Variants in PRMT9 observed in about 807,000 individuals in gnomAD.
PRMT9 encodes protein arginine N-methyltransferase 9.
In PRMT9, 59 loss-of-function variants were observed where a neutral mutation model predicts 83.2. The ratio of observed to expected loss-of-function variants is 0.71; its 90% CI spans 0.57 to 0.88. PRMT9 has a LOEUF of 0.88. Ranked by LOEUF, PRMT9 falls within the 40% of genes least tolerant of loss-of-function variation. The pLI, the probability that PRMT9 is intolerant of heterozygous loss-of-function variation, is 0.00. For synonymous variants in PRMT9, 333 were observed against 353.2 expected (o/e 0.94, Z 0.64); for missense variants, 947 against 1,021.9 (o/e 0.93, Z 1.00).
intron 9 of PRMT9, among the ~76,000 whole-genome samples, chr4:147,648,645 C>CA (rs1560971530): frequency 6.6e-6 from 1 of 152,186 alleles, no homozygotes; most frequent in African/African-American, 2.4e-5. Context: ...GTAAGAAGTA[C>CA]AAGTGACATA....
In PRMT9 at chr4:147,654,070, A is replaced by C; in HGVS notation, c.1827T>G (p.Ser609=). ...GTLGQVKPYS[S]VEKDQHRIAL... ...CAATACGATGCTGGTCTTTCTCCAC[A>C]GAACTGTATGGTTTAACCTGCCCAA... Residue 609 remains serine, a synonymous_variant, in exon 9 of 12, where the codon TCT becomes TCG. Transcript: ENST00000322396. 1.2e-6 allele frequency: 2 copies of C among 1,614,226 alleles called. No homozygotes were observed. The highest frequency in any genetic ancestry group is 2.2e-5 in the South Asian group (2 of 91,088).
chr4:147,639,109 T>G (rs1157067319), intron 10 of PRMT9, 27 bp from the exon 11 acceptor site: 1 of 1,612,106 alleles, frequency 6.2e-7, no homozygotes, highest in Admixed American at 1.7e-5. Flanking sequence ...TTTTTCACTT[T>G]CACTTTTTCT....
chr4:147,672,939 A>G lies in PRMT9; in HGVS notation c.743+20T>C. The G allele has an allele frequency of 6.2e-7, 1 of 1,603,730 alleles. No homozygotes were observed. The highest frequency in any genetic ancestry group is 8.5e-7 in the Non-Finnish European group (1 of 1,170,780). On this transcript the variant is annotated intron_variant, in intron 4 of 11. Coordinates refer to ENST00000322396, the MANE Select transcript of PRMT9 (RefSeq NM_138364.4). ...AAAATAGAGAAGTATAAACACTAAA[A>G]TTAGTTTACATGATAATACCTTTCG...
In PRMT9 at chr4:147,639,086, G is replaced by T. The variant is rs759111616; in HGVS notation, c.2200-4C>A. On this transcript the variant is annotated splice_region_variant and splice_polypyrimidine_tract_variant and intron_variant, in intron 10 of 11. Coordinates refer to ENST00000322396, the MANE Select transcript of PRMT9 (RefSeq NM_138364.4). ...CCAAAAATACACGTATAGGTACCTAGAGAAAGTATAAATTTTTCACTTTCA... is the reference window on the plus strand; with the variant it reads ...CCAAAAATACACGTATAGGTACCTATAGAAAGTATAAATTTTTCACTTTCA... 3 of 1,613,256 alleles carry T rather than the reference G, an allele frequency of 1.9e-6. No homozygotes were observed. Among genetic ancestry groups the T allele is most frequent in the East Asian group, 4.5e-5 (2 of 44,752 alleles).
chr4:147,663,558 G>A (rs1300970539), intron 6 of PRMT9, among the ~76,000 whole-genome samples: 1 of 152,066 alleles, frequency 6.6e-6, no homozygotes, highest in East Asian at 1.9e-4. Flanking sequence ...TAGAGACAGG[G>A]TTTCGCTGTG....
At chr4:147,643,205 T>G (rs1381965283) in intron 9 of PRMT9, among the ~76,000 whole-genome samples, 1 of 152,116 alleles carries the variant, frequency 6.6e-6, no homozygotes, top group East Asian at 1.9e-4. Context: ...AGGTAGCAGT[T>G]GCAGTGAACC....
At chr4:147,652,218 C>A (rs945531220) in intron 9 of PRMT9, among the ~76,000 whole-genome samples, 1 of 151,864 alleles carries the variant, frequency 6.6e-6, no homozygotes, top group African/African-American at 2.4e-5. Flanking sequence ...TTAAAAAAAA[C>A]TGAACTTACC....
At chr4:147,657,747 G>A in intron 8 of PRMT9, 45 bp downstream of exon 8, 1 of 1,462,258 alleles carries the variant, frequency 6.8e-7, no homozygotes, top group Non-Finnish European at 9.6e-7. Flanking sequence ...TGAATACTTA[G>A]AAGATTAAAG....
chr4:147,682,308 T>G (rs1215839654), intron 1 of PRMT9, among the ~76,000 whole-genome samples: 1 of 152,068 alleles, frequency 6.6e-6, no homozygotes, highest in African/African-American at 2.4e-5. Flanking sequence ...GCCTCTCGAG[T>G]AGCTGTGATT....
Position 147,661,046 on chromosome 4 carries a change from G to A in PRMT9, c.954-8C>T. ...ATGTCCTTAATACCCACTCTGGAGAGAGAGAAAATAGGGGAGGGGTAGGAA... is the reference window on the plus strand; with the variant it reads ...ATGTCCTTAATACCCACTCTGGAGAAAGAGAAAATAGGGGAGGGGTAGGAA... On this transcript the variant is annotated splice_region_variant and splice_polypyrimidine_tract_variant and intron_variant, in intron 6 of 11. Coordinates refer to ENST00000322396, the MANE Select transcript of PRMT9 (RefSeq NM_138364.4). 6.3e-7 allele frequency: 1 copy of A among 1,592,538 alleles called. No individual in the cohort carries two copies. The highest frequency in any genetic ancestry group is 8.6e-7 in the Non-Finnish European group (1 of 1,160,674).
intron 2 of PRMT9, among the ~76,000 whole-genome samples, chr4:147,680,109 G>C (rs1736366735): frequency 6.6e-6 from 1 of 152,086 alleles, no homozygotes; most frequent in South Asian, 2.1e-4. Flanking sequence ...ACTCTTCCTT[G>C]GATATTCTGT....
chr4:147,683,710 A>C (rs1736654055), intron 1 of PRMT9, 89 bp downstream of exon 1: 1 of 1,324,330 alleles, frequency 7.6e-7, no homozygotes, highest in Non-Finnish European at 1.1e-6. Flanking sequence ...CAGGCACCCT[A>C]GCCCCTCCGC....
intron 9 of PRMT9, among the ~76,000 whole-genome samples, chr4:147,652,069 A>G (rs1259724327): frequency 2.6e-5 from 4 of 152,194 alleles, no homozygotes; most frequent in Non-Finnish European, 5.9e-5. Flanking sequence ...TTCATGTGTC[A>G]CCATTCTCAA....
At chr4:147,648,848 TCCCTA>T (rs1008678101) in intron 9 of PRMT9, among the ~76,000 whole-genome samples, 2 of 152,106 alleles carry the variant, frequency 1.3e-5, no homozygotes, top group African/African-American at 4.8e-5. Flanking sequence ...TAAGGCCCCC[TCCCTA>T]CCCTTAGGTT....
Position 147,668,546 on chromosome 4 carries a change from GTCT to G in PRMT9, c.943_945del (p.Arg315del), listed in dbSNP as rs774185606. 4.2e-5 allele frequency: 66 copies of G among 1,573,858 alleles called. No individual in the cohort carries two copies. Among genetic ancestry groups the G allele is most frequent in the Non-Finnish European group, 5.6e-5 (64 of 1,145,266 alleles). On this transcript the variant is annotated inframe_deletion, in exon 6 of 12. Coordinates refer to ENST00000322396, the MANE Select transcript of PRMT9 (RefSeq NM_138364.4). ...ATGGACTAATACACTTACCTATGAT[GTCT>G]TCTTATCTCTGCACATTCTACTGCC... is the stretch of plus-strand genomic sequence containing the variant.
At chr4:147,643,175 G>A (rs1294632579) in intron 9 of PRMT9, among the ~76,000 whole-genome samples, 1 of 152,064 alleles carries the variant, frequency 6.6e-6, no homozygotes, top group Non-Finnish European at 1.5e-5. Flanking sequence ...GCTGAGGCAG[G>A]AGGACTGCTT....
In PRMT9 at chr4:147,651,685, G is replaced by C. The variant is rs567377072; in HGVS notation, c.2045+2167C>G. Among the ~76,000 whole-genome samples, 3 of 152,238 alleles carry C rather than the reference G, an allele frequency of 2.0e-5. No individual in the cohort carries two copies. In the South Asian group the frequency reaches 6.2e-4, roughly 32 times the overall value. On this transcript the variant is annotated intron_variant, in intron 9 of 11. Transcript: ENST00000322396. ...ACATACTACAACATGGATGAACCTTGAAGACATTATGCTAAGTGAAACAAC... is the reference window on the plus strand; with the variant it reads ...ACATACTACAACATGGATGAACCTTCAAGACATTATGCTAAGTGAAACAAC...
intron 5 of PRMT9, among the ~76,000 whole-genome samples, chr4:147,669,584 G>A (rs184149416): frequency 1.3e-4 from 20 of 151,932 alleles, no homozygotes; most frequent in Non-Finnish European, 2.2e-4. Flanking sequence ...GGCCAGGAGC[G>A]TTCGCTCACA....
intron 4 of PRMT9, among the ~76,000 whole-genome samples, chr4:147,671,686 T>G (rs886371439): frequency 6.6e-5 from 10 of 152,216 alleles, no homozygotes; most frequent in African/African-American, 2.4e-4. Flanking sequence ...GTCCAATACC[T>G]TGAGGTCTAG....
Sources: allele counts gnomAD v4.1 joint callset (sites outside exome capture counted in the v4.1 genomes callset), GRCh38; gene constraint gnomAD v4.1.1; transcripts MANE v1.5; gene names NCBI Gene and HGNC (gene_info 2026-07-23, HGNC 2026-07-21).